GCNT2: variants seen among roughly 807,000 people sequenced by gnomAD.
GCNT2 encodes glucosaminyl (N-acetyl) transferase 2 (I blood group).
Under a neutral mutation model 34.2 loss-of-function variants are expected in GCNT2, and 34 were observed. The observed-to-expected ratio is 1.00, with a 90% CI of 0.76 to 1.32. GCNT2 has a LOEUF of 1.32. Among genes scored for constraint, GCNT2 ranks in the 40% most tolerant of loss-of-function variants. The pLI is 0.00. For synonymous variants in GCNT2, 212 were observed against 188.0 expected (o/e 1.13, Z -1.04); for missense variants, 584 against 489.4 (o/e 1.19, Z -1.82).
chr6:10,600,400 A>G (rs1765042839), intron 3 of GCNT2, among the ~76,000 whole-genome samples: 1 of 152,154 alleles, frequency 6.6e-6, no homozygotes, highest in South Asian at 2.1e-4. Flanking sequence ...GCTTCTTTGT[A>G]TTCTTTAATT....
intron 3 of GCNT2, chr6:10,573,298 C>G: frequency 1.0e-6 from 1 of 984,456 alleles, no homozygotes; most frequent in Non-Finnish European, 1.2e-6. Flanking sequence ...TACGCTGTTC[C>G]TTGAAACTTA....
intron 3 of GCNT2, among the ~76,000 whole-genome samples, chr6:10,572,050 G>C (rs954051605): frequency 6.6e-6 from 1 of 151,998 alleles, no homozygotes; most frequent in Admixed American, 6.6e-5. Flanking sequence ...ATTCTCCCTG[G>C]TCTGCCAAAG....
chr6:10,565,893 T>C (rs892564038), intron 3 of GCNT2, among the ~76,000 whole-genome samples: 2 of 152,202 alleles, frequency 1.3e-5, no homozygotes, highest in Admixed American at 6.5e-5. Flanking sequence ...CTTTGTAACA[T>C]GCACCCATGA....
chr6:10,576,063 T>C lies in GCNT2; in HGVS notation c.926-45288T>C, dbSNP rs1763795225. On this transcript the variant is annotated intron_variant, in intron 3 of 4. Transcript: ENST00000495262. ...CACACGGACGTGCATGAAAACGGGG[T>C]TTCACCATGTTGTCCAGGCTGGTCT... Among the ~76,000 whole-genome samples, 3 of 152,144 alleles carry C rather than the reference T, an allele frequency of 2.0e-5. No individual in the cohort carries two copies. The South Asian group carries it at 6.2e-4, about 32-fold the overall frequency.
intron 3 of GCNT2, among the ~76,000 whole-genome samples, chr6:10,546,827 A>G (rs1561791012): frequency 6.6e-6 from 1 of 152,214 alleles, no homozygotes; most frequent in Non-Finnish European, 1.5e-5. Context: ...TAAGAAAAAT[A>G]AAACATGTCC....
chr6:10,600,844 G>GCAGTGGTGCGATCTTGGCTTATTT (rs1765061156), intron 3 of GCNT2, among the ~76,000 whole-genome samples: 1 of 151,936 alleles, frequency 6.6e-6, no homozygotes, highest in African/African-American at 2.4e-5. Flanking sequence ...TTGGCTTATT[G>GCAGTGGTGCGATCTTGGCTTATTT]CAGTGGTGCA....
intron 3 of GCNT2, among the ~76,000 whole-genome samples, chr6:10,590,861 C>T (rs758923790): frequency 6.6e-6 from 1 of 152,156 alleles, no homozygotes; most frequent in Non-Finnish European, 1.5e-5. Context: ...CTAATTTTGA[C>T]CTATCTTTTT....
rs1287221557 is a variant in GCNT2 at position 10,582,241 on chromosome 6, TAAAA to T, written c.926-39109_926-39106del. Among the ~76,000 whole-genome samples, 605 of 119,656 alleles carry T rather than the reference TAAAA, an allele frequency of 5.1e-3. 8 individuals carry two copies. The highest frequency in any genetic ancestry group is 0.018 in the African/African-American group (518 of 28,988). 78.5% of individuals were successfully genotyped at this position (119,656 alleles called of 152,430 possible). A position where few individuals can be genotyped will look rare whatever the true frequency, so the allele number is the denominator to read the frequency against. Reference sequence around the variant, plus strand: ...ATATAATTATATATATTTAAATATATAAAATATATATAATATATACTATATATTA... The same window carrying T: ...ATATAATTATATATATTTAAATATATTATATATAATATATACTATATATTA... On this transcript the variant is annotated intron_variant, in intron 3 of 4. Coordinates refer to ENST00000495262, the MANE Select transcript of GCNT2 (RefSeq NM_145649.5).
chr6:10,530,052 G>A, intron 3 of GCNT2: 1 of 533,334 alleles, frequency 1.9e-6, no homozygotes, highest in Non-Finnish European at 3.4e-6. Flanking sequence ...AAAGACCGAA[G>A]GAACACTGGC....
intron 3 of GCNT2, among the ~76,000 whole-genome samples, chr6:10,582,327 A>AAT (rs1232914697): frequency 9.4e-6 from 1 of 106,898 alleles, no homozygotes; most frequent in Non-Finnish European, 1.6e-5. Context: ...TATTAAATAT[A>AAT]ATATATACTA....
chr6:10,614,750 GC>G (rs1765694718), intron 3 of GCNT2, among the ~76,000 whole-genome samples: 1 of 152,046 alleles, frequency 6.6e-6, no homozygotes, highest in Non-Finnish European at 1.5e-5. Flanking sequence ...CAGCATCCAG[GC>G]CCGTCTGATC....
At chr6:10,586,879 A>C in intron 3 of GCNT2, 1 of 1,613,958 alleles carries the variant, frequency 6.2e-7, no homozygotes, top group Non-Finnish European at 8.5e-7. Context: ...TATAGTCCTG[A>C]TGAGCATTTC....
intron 3 of GCNT2, among the ~76,000 whole-genome samples, chr6:10,601,858 G>A (rs533049534): frequency 9.3e-5 from 14 of 150,588 alleles, no homozygotes; most frequent in East Asian, 2.0e-4. Context: ...GGAGAATGGC[G>A]TGAACCCGAG....
chr6:10,547,687 CCATT>C (rs1271814273), intron 3 of GCNT2, among the ~76,000 whole-genome samples: 5 of 152,148 alleles, frequency 3.3e-5, no homozygotes, highest in Admixed American at 1.3e-4. Flanking sequence ...TCCAGTTTTG[CCATT>C]CATTGGATCT....
At chr6:10,562,881 C>T (rs1763068369) in intron 3 of GCNT2, among the ~76,000 whole-genome samples, 1 of 151,958 alleles carries the variant, frequency 6.6e-6, no homozygotes, top group Non-Finnish European at 1.5e-5. Context: ...CACTGGGTGG[C>T]AGGGTGGGTT....
At chr6:10,526,660 C>T (rs1761204519) in intron 1 of GCNT2, among the ~76,000 whole-genome samples, 2 of 152,178 alleles carry the variant, frequency 1.3e-5, no homozygotes, top group Admixed American at 6.5e-5. Context: ...CCTTGGCCTC[C>T]CAAAAGTGCT....
At chr6:10,596,529 A>G (rs1372310541) in intron 3 of GCNT2, among the ~76,000 whole-genome samples, 1 of 152,072 alleles carries the variant, frequency 6.6e-6, no homozygotes, top group African/African-American at 2.4e-5. Context: ...TCAAAAAAAA[A>G]AAAGATTTCC....
chr6:10,583,594 A>T (rs1207095155), intron 3 of GCNT2, among the ~76,000 whole-genome samples: 1 of 152,218 alleles, frequency 6.6e-6, no homozygotes, highest in Non-Finnish European at 1.5e-5. Flanking sequence ...TAATGCGACC[A>T]GACCTGTGCT....
chr6:10,577,228 G>A (rs1218034395), intron 3 of GCNT2, among the ~76,000 whole-genome samples: 2 of 152,272 alleles, frequency 1.3e-5, no homozygotes, highest in African/African-American at 4.8e-5. Context: ...CAAGGGGGCT[G>A]CTGTGCAGTG....
Sources: gnomAD v4.1 joint callset for allele counts (sites outside exome capture counted in the v4.1 genomes callset) on GRCh38, gnomAD v4.1.1 for gene constraint, MANE v1.5 for transcripts, NCBI Gene and HGNC (gene_info 2026-07-23, HGNC 2026-07-21) for gene names.